SEMA6D: variants seen among roughly 807,000 people sequenced by gnomAD.
The protein encoded by SEMA6D is semaphorin 6D.
SEMA6D carries 35 observed loss-of-function variants against 106.6 expected under a neutral mutation model. That is an observed-to-expected ratio of 0.33 (90% CI 0.25 to 0.44). The LOEUF is 0.44. SEMA6D is among the 20% of genes least tolerant of loss of function. The pLI is 1.00. For synonymous variants in SEMA6D, 499 were observed against 487.7 expected (o/e 1.02, Z -0.31); for missense variants, 1,185 against 1,345.9 (o/e 0.88, Z 1.87).
intron 1 of SEMA6D, among the ~76,000 whole-genome samples, chr15:47,196,021 T>C (rs1035385278): frequency 1.7e-5 from 1 of 58,782 alleles, no homozygotes; most frequent in Admixed American, 2.9e-4. Context: ...GGGGAAAGTT[T>C]CAGATTTTTT....
intron 3 of SEMA6D, among the ~76,000 whole-genome samples, chr15:47,513,285 T>A (rs2044288180): frequency 6.6e-6 from 1 of 152,104 alleles, no homozygotes; most frequent in African/African-American, 2.4e-5. Flanking sequence ...ATTATAATAT[T>A]AATATTTATG....
chr15:47,305,152 T>A (rs563657662), intron 1 of SEMA6D, among the ~76,000 whole-genome samples: 4 of 152,288 alleles, frequency 2.6e-5, no homozygotes, highest in African/African-American at 9.6e-5. Context: ...CCAGAGAATC[T>A]ACACTTTTAA....
At chr15:47,376,616 T>C (rs2039457992) in intron 1 of SEMA6D, among the ~76,000 whole-genome samples, 1 of 152,344 alleles carries the variant, frequency 6.6e-6, no homozygotes, top group South Asian at 2.1e-4. Flanking sequence ...GGAAAACTGC[T>C]CTTCTTTCTG....
chr15:47,268,011 A>G (rs1441228891), intron 1 of SEMA6D, among the ~76,000 whole-genome samples: 3 of 152,142 alleles, frequency 2.0e-5, no homozygotes, highest in Non-Finnish European at 2.9e-5. Flanking sequence ...TCTTCAAACC[A>G]GATATACTGG....
At chr15:47,544,864 C>T (rs183987425) in intron 3 of SEMA6D, among the ~76,000 whole-genome samples, 1 of 152,140 alleles carries the variant, frequency 6.6e-6, no homozygotes, top group East Asian at 1.9e-4. Context: ...ATTTTTTAAT[C>T]TTGAGAGCTT....
chr15:47,558,871 G>T (rs937362685), intron 3 of SEMA6D, among the ~76,000 whole-genome samples: 5 of 152,088 alleles, frequency 3.3e-5, no homozygotes, highest in African/African-American at 1.2e-4. Context: ...AAGCCAAAAT[G>T]TCACAGAGAA....
At chr15:47,464,878 C>T (rs902818730) in intron 2 of SEMA6D, among the ~76,000 whole-genome samples, 2 of 152,118 alleles carry the variant, frequency 1.3e-5, no homozygotes, top group African/African-American at 4.8e-5. Flanking sequence ...CTGTCATGGA[C>T]CAAGTGGGGG....
intron 3 of SEMA6D, among the ~76,000 whole-genome samples, chr15:47,546,715 G>T (rs573298411): frequency 6.6e-6 from 1 of 151,756 alleles, no homozygotes; most frequent in Non-Finnish European, 1.5e-5. Context: ...ATGGTGGGGC[G>T]TGTACATTTG....
chr15:47,260,030 C>T (rs1354101791), intron 1 of SEMA6D, among the ~76,000 whole-genome samples: 4 of 151,106 alleles, frequency 2.6e-5, no homozygotes, highest in Non-Finnish European at 5.9e-5. Context: ...ATTGTATTTC[C>T]AGTTCTATAA....
intron 1 of SEMA6D, among the ~76,000 whole-genome samples, chr15:47,303,883 A>G (rs1048365891): frequency 2.6e-5 from 4 of 152,176 alleles, no homozygotes; most frequent in African/African-American, 9.7e-5. Context: ...AGCTCAGATT[A>G]GATTTTGCTG....
At chr15:47,686,068 T>C (rs2078461877) in intron 4 of SEMA6D, among the ~76,000 whole-genome samples, 1 of 152,138 alleles carries the variant, frequency 6.6e-6, no homozygotes, top group South Asian at 2.1e-4. Context: ...AAATGAGTAG[T>C]ACTCTCAGCT....
At chr15:47,336,783 A>G (rs1225823797) in intron 1 of SEMA6D, among the ~76,000 whole-genome samples, 1 of 152,156 alleles carries the variant, frequency 6.6e-6, no homozygotes, top group African/African-American at 2.4e-5. Flanking sequence ...TGAATTCTAT[A>G]GACATTTGGA....
intron 4 of SEMA6D, among the ~76,000 whole-genome samples, chr15:47,609,424 A>G: frequency 6.6e-6 from 1 of 152,164 alleles, no homozygotes. Context: ...TGAGTCTACA[A>G]GTTTAAAAAC....
chr15:47,680,081 A>C (rs940311175), intron 4 of SEMA6D, among the ~76,000 whole-genome samples: 1 of 152,138 alleles, frequency 6.6e-6, no homozygotes, highest in Non-Finnish European at 1.5e-5. Context: ...TCCCACATAA[A>C]TCTGATTAGA....
intron 1 of SEMA6D, chr15:47,730,051 C>T: frequency 1.6e-6 from 1 of 644,312 alleles, no homozygotes; most frequent in Non-Finnish European, 2.6e-6. Flanking sequence ...TTTATCTTCC[C>T]ATTTTATTTT....
chr15:47,330,473 C>T (rs2037300329), intron 1 of SEMA6D, among the ~76,000 whole-genome samples: 1 of 152,136 alleles, frequency 6.6e-6, no homozygotes, highest in Admixed American at 6.5e-5. Context: ...ACTAAAAGGG[C>T]ATCTCTGCTT....
chr15:47,462,769 T>A (rs1293639005), intron 2 of SEMA6D, among the ~76,000 whole-genome samples: 2 of 152,108 alleles, frequency 1.3e-5, no homozygotes, highest in Admixed American at 1.3e-4. Context: ...ATTATTAAGG[T>A]TAGGCAAGAG....
intron 1 of SEMA6D, among the ~76,000 whole-genome samples, chr15:47,236,404 A>G (rs2032542858): frequency 1.3e-5 from 2 of 152,108 alleles, no homozygotes; most frequent in Non-Finnish European, 2.9e-5. Context: ...ATAGAATTCT[A>G]AGTATTTAAT....
intron 1 of SEMA6D, among the ~76,000 whole-genome samples, chr15:47,224,245 T>C (rs998409643): frequency 6.6e-6 from 1 of 152,032 alleles, no homozygotes; most frequent in Non-Finnish European, 1.5e-5. Flanking sequence ...GTTTTCACTC[T>C]TTCCCTGACT....
Sources: gnomAD v4.1 joint callset for allele counts (sites outside exome capture counted in the v4.1 genomes callset) on GRCh38, gnomAD v4.1.1 for gene constraint, MANE v1.5 for transcripts, NCBI Gene and HGNC (gene_info 2026-07-23, HGNC 2026-07-21) for gene names.